Variants in TSACC observed in about 807,000 individuals in gnomAD.
TSACC encodes TSSK6 activating cochaperone, also known as TSSK6-activating co-chaperone protein.
Under a neutral mutation model 6.9 loss-of-function variants are expected in TSACC, and 3 were observed. The ratio of observed to expected loss-of-function variants is 0.43; its 90% CI spans 0.20 to 1.12. The LOEUF is 1.12. Among genes scored for constraint, TSACC ranks in the 50% most tolerant of loss-of-function variants. The probability of loss-of-function intolerance (pLI) is 0.28; values close to 1 mark genes in which losing one functional copy is unlikely to be tolerated. For missense variants in TSACC, 137 were observed against 143.9 expected (o/e 0.95, Z 0.24); for synonymous variants, 54 against 55.1 (o/e 0.98, Z 0.09).
chr1:156,346,119 A>C (rs1666156995), intron 3 of TSACC, among the ~76,000 whole-genome samples: 1 of 145,366 alleles, frequency 6.9e-6, no homozygotes. Context: ...GCTTGAACCC[A>C]GGAGGTGGAG....
upstream of TSACC, chr1:156,337,904 A>G: frequency 1.8e-6 from 1 of 549,712 alleles, no homozygotes; most frequent in Non-Finnish European, 3.2e-6. Flanking sequence ...GCGGAGTGGG[A>G]AAGAGCTTCC....
chr1:156,340,436 G>A (rs559232676), intron 2 of TSACC, among the ~76,000 whole-genome samples: 31 of 151,820 alleles, frequency 2.0e-4, no homozygotes, highest in South Asian at 6.3e-4. Context: ...TGGGATTACA[G>A]GTGTGAGCTA....
rs1666212576 is a variant in TSACC, at chr1:156,346,806, T to C, written c.202T>C (p.Cys68Arg). The change falls in exon 4 of 4, where the codon TGT (cysteine) becomes CGT (arginine). Residue 68 changes from cysteine to arginine, a missense_variant. Cys to Arg is a radical substitution (Grantham distance 180, BLOSUM62 -3). Coordinates refer to ENST00000368254, the MANE Select transcript of TSACC (RefSeq NM_001304817.2). ...KPKECLGLLE[C>R]MYANLQLQTQ... ...CAAGGAATGCCTAGGACTCCTGGAA[T>C]GTATGTATGCAAACCTCCAGCTTCA... is the stretch of plus-strand genomic sequence containing the variant. 2 of 1,614,070 alleles carry C rather than the reference T, an allele frequency of 1.2e-6. No individual in the cohort carries two copies. Among genetic ancestry groups the C allele is most frequent in the Admixed American group, 1.7e-5 (1 of 59,996 alleles).
At chr1:156,343,576 C>A (rs1161428932) in intron 2 of TSACC, among the ~76,000 whole-genome samples, 1 of 152,158 alleles carries the variant, frequency 6.6e-6, no homozygotes, top group Non-Finnish European at 1.5e-5. Context: ...ATGACTCTGG[C>A]CCAACTTACC....
At chr1:156,337,813 G>C, upstream of TSACC, 2 of 332,258 alleles carry the variant, frequency 6.0e-6, no homozygotes, top group Non-Finnish European at 1.1e-5. Flanking sequence ...AAAAAAAAAC[G>C]TTATTCGTGC....
upstream of TSACC, chr1:156,338,481 G>A (rs927417106): frequency 9.6e-5 from 51 of 530,002 alleles, no homozygotes; most frequent in Non-Finnish European, 1.7e-4. Context: ...GGCCGCTCCC[G>A]GCCGCGTGCA....
intron 2 of TSACC, among the ~76,000 whole-genome samples, chr1:156,342,062 C>CAAAAAAAAAAAAAA (rs554820517): frequency 1.7e-5 from 1 of 57,270 alleles, no homozygotes. Flanking sequence ...ACTCCGTCTC[C>CAAAAAAAAAAAAAA]AAAAAAAAAA....
chr1:156,342,137 C>T (rs569078961), intron 2 of TSACC, among the ~76,000 whole-genome samples: 3 of 151,776 alleles, frequency 2.0e-5, no homozygotes, highest in Admixed American at 2.0e-4. Flanking sequence ...TTTAAAAGTG[C>T]ATTTGCATGG....
At position 156,339,718 on chromosome 1, in the gene TSACC, C is replaced by A. The variant is rs1271060862; in HGVS notation, c.-40C>A. 2 of 1,612,656 alleles carry A rather than the reference C, an allele frequency of 1.2e-6. No homozygotes were observed. Among genetic ancestry groups the A allele is most frequent in the African/African-American group, 2.7e-5 (2 of 74,864 alleles). Reference sequence around the variant, plus strand: ...AACATGGATTGTTGATCATCTGATGCTATGATTCTTTCCCAGGCACCACAC... The same window carrying A: ...AACATGGATTGTTGATCATCTGATGATATGATTCTTTCCCAGGCACCACAC... On this transcript the variant is annotated 5_prime_UTR_variant, in exon 2 of 4. Coordinates refer to ENST00000368254, the MANE Select transcript of TSACC (RefSeq NM_001304817.2).
chr1:156,346,721 T>A, intron 3 of TSACC, 47 bp from the exon 4 acceptor site: 1 of 1,585,026 alleles, frequency 6.3e-7, no homozygotes, highest in Admixed American at 1.7e-5. Context: ...AATTACCAAA[T>A]CTCTCTCCTT....
chr1:156,346,645 C>T, intron 3 of TSACC, 123 bp from the exon 4 acceptor site: 1 of 881,792 alleles, frequency 1.1e-6, no homozygotes, highest in Non-Finnish European at 1.8e-6. Flanking sequence ...AAAGGTATGT[C>T]TGGGTTGGGT....
chr1:156,345,778 G>T (rs12122975), intron 3 of TSACC, among the ~76,000 whole-genome samples: 2 of 151,378 alleles, frequency 1.3e-5, no homozygotes, highest in Admixed American at 6.6e-5. Flanking sequence ...TGAGGCAGGA[G>T]AATTGCTTAA....
At chr1:156,339,827 A>T in intron 2 of TSACC, 36 bp downstream of exon 2, 1 of 1,611,950 alleles carries the variant, frequency 6.2e-7, no homozygotes, top group South Asian at 1.1e-5. Flanking sequence ...CTCCCTTAAA[A>T]AGCAAGACCT....
intron 3 of TSACC, among the ~76,000 whole-genome samples, chr1:156,346,494 TTAAG>T (rs1221384523): frequency 6.6e-5 from 10 of 152,052 alleles, no homozygotes; most frequent in Non-Finnish European, 1.2e-4. Flanking sequence ...TAGACAAAAA[TTAAG>T]TAATTATAAA....
At chr1:156,345,874 AAAAAG>A (rs1341681560) in intron 3 of TSACC, among the ~76,000 whole-genome samples, 2 of 151,680 alleles carry the variant, frequency 1.3e-5, no homozygotes, top group African/African-American at 2.4e-5. Flanking sequence ...TGAAAAAAAA[AAAAAG>A]AAAAAAGAAA....
At chr1:156,346,022 C>A (rs763656083) in intron 3 of TSACC, among the ~76,000 whole-genome samples, 1 of 151,480 alleles carries the variant, frequency 6.6e-6, no homozygotes, top group Non-Finnish European at 1.5e-5. Flanking sequence ...GGTGAAACCT[C>A]GTCTCTACTA....
rs1282231886 is a variant in TSACC, at chr1:156,339,744, C to T, written c.-14C>T. The T allele has an allele frequency of 6.2e-7, 1 of 1,614,020 alleles. No individual in the cohort carries two copies. The highest frequency in any genetic ancestry group is 1.7e-5 in the Admixed American group (1 of 60,006). On this transcript the variant is annotated 5_prime_UTR_variant, in exon 2 of 4. Coordinates refer to ENST00000368254, the MANE Select transcript of TSACC (RefSeq NM_001304817.2). ...TATGATTCTTTCCCAGGCACCACACCTGTTGGTGTTCAGATGGAGCGGCAC... is the reference window on the plus strand; with the variant it reads ...TATGATTCTTTCCCAGGCACCACACTTGTTGGTGTTCAGATGGAGCGGCAC...
chr1:156,346,184 C>G (rs1449579950), intron 3 of TSACC, among the ~76,000 whole-genome samples: 1 of 142,790 alleles, frequency 7.0e-6, no homozygotes, highest in African/African-American at 2.6e-5. Flanking sequence ...ACAAGTGAAA[C>G]TCCGTCTCCA....
intron 2 of TSACC, among the ~76,000 whole-genome samples, chr1:156,340,360 C>T (rs952767606): frequency 4.6e-5 from 7 of 151,906 alleles, no homozygotes; most frequent in East Asian, 1.9e-4. Flanking sequence ...GGGGTTTCAC[C>T]GTGTCAGCCA....
Sources: allele counts gnomAD v4.1 joint callset (sites outside exome capture counted in the v4.1 genomes callset), GRCh38; gene constraint gnomAD v4.1.1; transcripts MANE v1.5; gene names NCBI Gene and HGNC (gene_info 2026-07-23, HGNC 2026-07-21).